The following LRRFIP1 variants were observed in gnomAD, a reference collection of about 807,000 sequenced individuals.
LRRFIP1 encodes the protein LRR binding FLII interacting protein 1, also known as leucine-rich repeat flightless-interacting protein 1.
Under a neutral mutation model 104.4 loss-of-function variants are expected in LRRFIP1, and 62 were observed. That is an observed-to-expected ratio of 0.59 (90% confidence interval 0.48 to 0.73). LRRFIP1 has a LOEUF of 0.73. LRRFIP1 is among the 30% of genes least tolerant of loss of function. The pLI, the probability that LRRFIP1 is intolerant of heterozygous loss-of-function variation, is 0.00. For synonymous variants in LRRFIP1, 300 were observed against 299.0 expected, an observed-to-expected ratio of 1.00 and a Z score of -0.03; for missense variants, 796 against 824.5, an observed-to-expected ratio of 0.97 and a Z score of 0.42.
chr2:237,748,969 G>A (rs909254217), intron 12 of LRRFIP1, among the ~76,000 whole-genome samples: 2 of 152,186 alleles, frequency 1.3e-5, no homozygotes, highest in Admixed American at 1.3e-4. Flanking sequence ...AAGGCGACAG[G>A]AGAGAGAACA....
intron 10 of LRRFIP1, among the ~76,000 whole-genome samples, chr2:237,738,779 C>G (rs113476017): frequency 0.016 from 2,482 of 152,344 alleles, 73 homozygotes; most frequent in African/African-American, 0.057. Flanking sequence ...AACCCTAACT[C>G]TCATTTTGCT....
intron 22 of LRRFIP1, among the ~76,000 whole-genome samples, chr2:237,773,226 T>C (rs914870708): frequency 6.6e-6 from 1 of 152,200 alleles, no homozygotes; most frequent in African/African-American, 2.4e-5. Context: ...TGTTTTAAAA[T>C]TTTGTTCTTT....
chr2:237,715,145 G>C (rs1159410956), intron 3 of LRRFIP1, among the ~76,000 whole-genome samples: 1 of 152,206 alleles, frequency 6.6e-6, no homozygotes, highest in African/African-American at 2.4e-5. Flanking sequence ...TGTTGTGTTG[G>C]ATTCCTGTGC....
At position 237,776,473 on chromosome 2, in the gene LRRFIP1, G is replaced by A. The variant is rs550316504; in HGVS notation, c.1812+2011G>A. Among the ~76,000 whole-genome samples the A allele has an allele frequency of 2.0e-5, 3 of 152,282 alleles. No homozygotes were observed. In the South Asian group the frequency reaches 6.2e-4, roughly 32 times the overall value. On this transcript the variant is annotated intron_variant, in intron 23 of 23. Transcript: ENST00000308482. ...ATCAAACTTGTGAAGTGTGCATTCA[G>A]ATCTGATTTCTTTTGTCTGCTTAAA...
intron 11 of LRRFIP1, among the ~76,000 whole-genome samples, chr2:237,745,805 C>T (rs1333293993): frequency 1.3e-5 from 2 of 152,172 alleles, no homozygotes; most frequent in Non-Finnish European, 2.9e-5. Flanking sequence ...ACGTTTTACA[C>T]CGTGGAGCAA....
At chr2:237,689,866 C>A (rs2092647379) in intron 1 of LRRFIP1, among the ~76,000 whole-genome samples, 1 of 152,234 alleles carries the variant, frequency 6.6e-6, no homozygotes, top group African/African-American at 2.4e-5. Flanking sequence ...CAGGGCAGCT[C>A]ACCCTGACTG....
chr2:237,692,191 C>T, intron 1 of LRRFIP1: 1 of 1,048,048 alleles, frequency 9.5e-7, no homozygotes, highest in Non-Finnish European at 1.1e-6. Context: ...GCGCCCGAGT[C>T]CCGCTTCCCC....
intron 17 of LRRFIP1, 83 bp from the exon 18 acceptor site, chr2:237,758,646 G>A: frequency 1.1e-6 from 1 of 876,474 alleles, no homozygotes; most frequent in Non-Finnish European, 1.9e-6. Flanking sequence ...GATGGTAGAA[G>A]CCTCCTTCTG....
At position 237,766,027 on chromosome 2, in the gene LRRFIP1, C is replaced by T. The variant is rs755501481; in HGVS notation, c.1460-3916C>T. ...GGGTTGCTGATTCCTATTGGGGTTC[C>T]GTGGAAGACCCACGCCTGATGCCCT... On this transcript the variant is annotated intron_variant, in intron 19 of 23. Transcript: ENST00000308482. This position sits in a 1 kb window ranked among gnomAD's most constrained non-coding sequence, Gnocchi z 4.8. 49 of 595,852 alleles carry T rather than the reference C, an allele frequency of 8.2e-5. No individual in the cohort carries two copies. Among genetic ancestry groups the T allele is most frequent in the Admixed American group, 5.7e-4 (9 of 15,792 alleles). The allele number at this position is 595,852 out of a possible 1,614,324, so 36.9% of individuals were successfully genotyped here.
At chr2:237,761,377 C>G (rs1233268057) in intron 19 of LRRFIP1, among the ~76,000 whole-genome samples, 1 of 152,218 alleles carries the variant, frequency 6.6e-6, no homozygotes, top group East Asian at 1.9e-4. Flanking sequence ...TATGTAGTAT[C>G]TATATACCGT....
intron 1 of LRRFIP1, among the ~76,000 whole-genome samples, chr2:237,670,014 G>C (rs1328988212): frequency 3.9e-5 from 6 of 152,252 alleles, no homozygotes; most frequent in African/African-American, 1.4e-4. Flanking sequence ...CAGCTGGGAA[G>C]AGTCAGTTTT....
At chr2:237,637,835 T>A (rs1425541299) in intron 1 of LRRFIP1, among the ~76,000 whole-genome samples, 1 of 152,214 alleles carries the variant, frequency 6.6e-6, no homozygotes, top group Non-Finnish European at 1.5e-5. Context: ...TTGCCCTCAT[T>A]GTCCTTGATT....
intron 23 of LRRFIP1, among the ~76,000 whole-genome samples, chr2:237,776,335 A>T (rs1312268788): frequency 3.9e-5 from 6 of 152,224 alleles, no homozygotes; most frequent in Non-Finnish European, 1.5e-5. Context: ...GAAATTTGTC[A>T]ATACTTGCTT....
At chr2:237,632,035 T>C (rs979123045) in intron 1 of LRRFIP1, among the ~76,000 whole-genome samples, 4 of 152,342 alleles carry the variant, frequency 2.6e-5, no homozygotes, top group Non-Finnish European at 4.4e-5. Flanking sequence ...AGTTGACTCG[T>C]GGGCCTGCGG....
At chr2:237,700,679 A>G (rs2093468838) in intron 1 of LRRFIP1, among the ~76,000 whole-genome samples, 1 of 152,224 alleles carries the variant, frequency 6.6e-6, no homozygotes, top group Non-Finnish European at 1.5e-5. Context: ...TTCATGGTCC[A>G]GTCCTCTGTC....
At chr2:237,642,223 C>T (rs1171481136) in intron 1 of LRRFIP1, among the ~76,000 whole-genome samples, 1 of 152,196 alleles carries the variant, frequency 6.6e-6, no homozygotes, top group African/African-American at 2.4e-5. Context: ...CCAAGGACCG[C>T]GTGTGTGCAG....
intron 1 of LRRFIP1, among the ~76,000 whole-genome samples, chr2:237,638,259 C>A (rs1304034239): frequency 1.3e-5 from 2 of 152,304 alleles, no homozygotes; most frequent in East Asian, 3.9e-4. Flanking sequence ...GAATTAGATT[C>A]TCATAAGGAG....
intron 7 of LRRFIP1, among the ~76,000 whole-genome samples, chr2:237,727,132 C>T (rs1479003986): frequency 1.3e-5 from 2 of 151,948 alleles, no homozygotes; most frequent in African/African-American, 4.8e-5. Context: ...CCAAGGCGGG[C>T]GGATCACGAG....
rs148276919 is a variant in LRRFIP1 at position 237,702,194 on chromosome 2, A to T, written c.97-6350A>T. Among the ~76,000 whole-genome samples, 84 of 152,316 alleles carry T rather than the reference A, an allele frequency of 5.5e-4. 1 individual carries two copies. The highest frequency in any genetic ancestry group is 1.9e-3 in the African/African-American group (81 of 41,570). ...ACCGTACACACCACCTCCCTATCAG[A>T]GGGCTGTCATATTCACATATGGTAA... On this transcript the variant is annotated intron_variant, in intron 1 of 23. Transcript: ENST00000308482.
Sources: allele counts gnomAD v4.1 joint callset (sites outside exome capture counted in the v4.1 genomes callset), GRCh38; gene constraint gnomAD v4.1.1; non-coding constraint Gnocchi (gnomAD v3.1); transcripts MANE v1.5; gene names NCBI Gene and HGNC (gene_info 2026-07-23, HGNC 2026-07-21).